SHISA9: variants seen among roughly 807,000 people sequenced by gnomAD.
The protein encoded by SHISA9 is shisa family member 9, also known as protein shisa-9.
In SHISA9, 13 loss-of-function variants were observed where a neutral mutation model predicts 38.0. That is an observed-to-expected ratio of 0.34 (90% CI 0.22 to 0.54). SHISA9 has a LOEUF of 0.54. Ranked by LOEUF, SHISA9 falls within the 20% of genes least tolerant of loss-of-function variation. SHISA9 has a pLI of 0.91. For missense variants in SHISA9, 538 were observed against 575.8 expected (o/e 0.93, Z 0.67); for synonymous variants, 275 against 242.0 (o/e 1.14, Z -1.27).
At chr16:13,467,292 G>C in the SHISA9 span, among the ~76,000 whole-genome samples, 1 of 152,142 alleles carries the variant, frequency 6.6e-6, no homozygotes, top group East Asian at 1.9e-4. Context: ...GAAGAAGGAG[G>C]ATTCTCTCTT....
the SHISA9 span, among the ~76,000 whole-genome samples, chr16:13,548,592 A>C: frequency 2.0e-5 from 3 of 152,220 alleles, no homozygotes; most frequent in African/African-American, 7.2e-5. Flanking sequence ...AAGTGGCTAC[A>C]AATATACTTT....
At chr16:13,154,763 T>C (rs1329070895) in intron 2 of SHISA9, among the ~76,000 whole-genome samples, 1 of 152,264 alleles carries the variant, frequency 6.6e-6, no homozygotes, top group Non-Finnish European at 1.5e-5. Context: ...TTCTCGTTCA[T>C]GATCCCTGTA....
chr16:13,018,550 G>A (rs1052348674), intron 2 of SHISA9, among the ~76,000 whole-genome samples: 1 of 152,220 alleles, frequency 6.6e-6, no homozygotes, highest in Non-Finnish European at 1.5e-5. Context: ...CGGGATGAAG[G>A]CGATTTGCAG....
At chr16:12,945,431 A>G (rs1023310530) in intron 2 of SHISA9, among the ~76,000 whole-genome samples, 2 of 152,210 alleles carry the variant, frequency 1.3e-5, no homozygotes, top group African/African-American at 4.8e-5. Flanking sequence ...TATTTATAAA[A>G]TCAATAAGTG....
intron 2 of SHISA9, among the ~76,000 whole-genome samples, chr16:13,014,404 G>A (rs1483652030): frequency 2.6e-5 from 4 of 152,138 alleles, no homozygotes; most frequent in African/African-American, 9.7e-5. Context: ...ACTTGTTAAC[G>A]TCCTCTGATG....
the SHISA9 span, among the ~76,000 whole-genome samples, chr16:13,493,220 C>T: frequency 7.3e-6 from 1 of 136,172 alleles, no homozygotes; most frequent in African/African-American, 2.6e-5. Flanking sequence ...TGACACTCAT[C>T]ATCAGTTGGA....
chr16:13,440,496 C>G, the SHISA9 span, among the ~76,000 whole-genome samples: 1 of 152,180 alleles, frequency 6.6e-6, no homozygotes, highest in Non-Finnish European at 1.5e-5. Flanking sequence ...GCAGAGACAT[C>G]CAGATTTCAA....
At chr16:13,559,525 G>A in the SHISA9 span, among the ~76,000 whole-genome samples, 1 of 151,978 alleles carries the variant, frequency 6.6e-6, no homozygotes, top group South Asian at 2.1e-4. Context: ...TTATAGCCAT[G>A]TGACACCATG....
chr16:13,152,986 C>T (rs1436837605), intron 2 of SHISA9, among the ~76,000 whole-genome samples: 1 of 152,084 alleles, frequency 6.6e-6, no homozygotes, highest in Non-Finnish European at 1.5e-5. Context: ...AGAAGAGTGA[C>T]AGAGTGATGT....
the SHISA9 span, among the ~76,000 whole-genome samples, chr16:13,440,666 C>G: frequency 6.6e-6 from 1 of 152,310 alleles, no homozygotes; most frequent in East Asian, 1.9e-4. Flanking sequence ...CGGCGGCTCA[C>G]GACTATAATC....
At chr16:13,256,749 T>A in the SHISA9 span, among the ~76,000 whole-genome samples, 5 of 152,212 alleles carry the variant, frequency 3.3e-5, no homozygotes, top group South Asian at 1.0e-3. Flanking sequence ...AGGAAATGAA[T>A]GAATATTTCT....
the SHISA9 span, among the ~76,000 whole-genome samples, chr16:13,327,384 G>A: frequency 5.3e-5 from 8 of 152,220 alleles, no homozygotes; most frequent in South Asian, 1.5e-3. Context: ...GGGAGGCCGA[G>A]GCAGGTGGAT....
chr16:13,379,176 C>A, the SHISA9 span, among the ~76,000 whole-genome samples: 3 of 152,020 alleles, frequency 2.0e-5, no homozygotes, highest in Admixed American at 2.0e-4. Flanking sequence ...AGGATGTGGG[C>A]CATGGTGAGA....
chr16:13,230,614 G>T (rs914506515), intron 4 of SHISA9, among the ~76,000 whole-genome samples: 3 of 152,082 alleles, frequency 2.0e-5, no homozygotes, highest in African/African-American at 7.2e-5. Context: ...TTACGGGAAA[G>T]GAGTCCCGAC....
chr16:13,528,748 T>G, the SHISA9 span, among the ~76,000 whole-genome samples: 2 of 152,184 alleles, frequency 1.3e-5, no homozygotes, highest in Non-Finnish European at 2.9e-5. Flanking sequence ...CCTAATTAAT[T>G]GAGTTGATAA....
the SHISA9 span, among the ~76,000 whole-genome samples, chr16:13,488,529 C>G: frequency 2.4e-3 from 371 of 152,198 alleles, 1 homozygote; most frequent in Middle Eastern, 0.01. Context: ...TGTACTGTTT[C>G]TATGTTTGGA....
chr16:13,065,716 T>G (rs990292848), intron 2 of SHISA9, among the ~76,000 whole-genome samples: 3 of 152,194 alleles, frequency 2.0e-5, no homozygotes, highest in Admixed American at 1.3e-4. Context: ...AATAAAAGTT[T>G]CCGAACCAAG....
At chr16:13,026,317 C>T (rs559264850) in intron 2 of SHISA9, among the ~76,000 whole-genome samples, 1 of 152,208 alleles carries the variant, frequency 6.6e-6, no homozygotes, top group African/African-American at 2.4e-5. Context: ...GAAGTGGAAT[C>T]ATGCAGCATT....
At chr16:13,508,229 A>G in the SHISA9 span, among the ~76,000 whole-genome samples, 58 of 152,276 alleles carry the variant, frequency 3.8e-4, no homozygotes, top group Non-Finnish European at 7.5e-4. Flanking sequence ...TATTTTTTCC[A>G]CTTGACATTC....
Sources: allele counts gnomAD v4.1 joint callset (sites outside exome capture counted in the v4.1 genomes callset), GRCh38; gene constraint gnomAD v4.1.1; transcripts MANE v1.5; gene names NCBI Gene and HGNC (gene_info 2026-07-23, HGNC 2026-07-21).